Variants in NANOG observed in about 807,000 individuals in gnomAD.
NANOG encodes homeobox protein NANOG.
Under a neutral mutation model 17.7 loss-of-function variants are expected in NANOG, and 2 were observed. That is an observed-to-expected ratio of 0.11 (90% CI 0.05 to 0.36). NANOG has a LOEUF of 0.36. NANOG is among the 10% of genes least tolerant of loss of function. NANOG has a pLI of 1.00. For missense variants in NANOG, 174 were observed against 362.1 expected, an observed-to-expected ratio of 0.48 and a Z score of 4.22; for synonymous variants, 81 against 124.7, an observed-to-expected ratio of 0.65 and a Z score of 2.33.
Position 7,794,438 on chromosome 12 carries a change from C to G in NANOG, c.415-19C>G, listed in dbSNP as rs751044531. The G allele has an allele frequency of 1.9e-6, 3 of 1,601,904 alleles. No homozygotes were observed. In the African/African-American group the frequency reaches 4.0e-5, roughly 21 times the overall value. On this transcript the variant is annotated intron_variant, in intron 2 of 3. Transcript: ENST00000229307. ...CTGTATTATGAATATTTTACAATTT[C>G]TATCATTTTTTCCTGCAGGTGAAGA...
rs970309173 is a variant in NANOG, at chr12:7,798,213, C to T, written c.*3118C>T. 2 of 152,116 alleles carry T rather than the reference C, an allele frequency of 1.3e-5. No homozygotes were observed. Among genetic ancestry groups the T allele is most frequent in the Non-Finnish European group, 2.9e-5 (2 of 68,040 alleles). The allele number at this position is 152,116 out of a possible 1,614,324, so 9.4% of individuals were successfully genotyped here. On this transcript the variant is annotated 3_prime_UTR_variant, in exon 4 of 4. Transcript: ENST00000229307. ...CCAATATGGCGAAACCCTGTCTCTA[C>T]TAAAAATACAGAAATTTGCCAGAGG...
In NANOG at chr12:7,791,455, T is replaced by C. The variant is rs187984001; in HGVS notation, c.152-1495T>C. Among the ~76,000 whole-genome samples, 221 of 152,254 alleles carry C rather than the reference T, an allele frequency of 1.5e-3. 1 individual carries two copies. The South Asian group carries it at 0.015, about 10-fold the overall frequency. Reference sequence around the variant, plus strand: ...TGAGCAAGTGGGGATGTGTTTTCTTTAGCACACATCAAGTGACAGTTTATA... The same window carrying C: ...TGAGCAAGTGGGGATGTGTTTTCTTCAGCACACATCAAGTGACAGTTTATA... On this transcript the variant is annotated intron_variant, in intron 1 of 3. Coordinates refer to ENST00000229307, the MANE Select transcript of NANOG (RefSeq NM_024865.4).
In NANOG at chr12:7,798,901, G is replaced by A. The variant is rs1466711873; in HGVS notation, c.*3806G>A. ...GGCCCCCATGGGCTTTGACTCAAGG[G>A]GGAGATGAAGGGAATTTGTTAAAGA... On this transcript the variant is annotated 3_prime_UTR_variant, in exon 4 of 4. Coordinates refer to ENST00000229307, the MANE Select transcript of NANOG (RefSeq NM_024865.4). 6.8e-6 allele frequency: 1 copy of A among 147,610 alleles called. No homozygotes were observed. The highest frequency in any genetic ancestry group is 2.5e-5 in the African/African-American group (1 of 39,674). The allele number at this position is 147,610 out of a possible 1,614,324, so 9.1% of individuals were successfully genotyped here. A position where few individuals can be genotyped will look rare whatever the true frequency, so the allele number is the denominator to read the frequency against.
In NANOG at chr12:7,792,976, C is replaced by T; in HGVS notation, c.178C>T (p.Leu60=). ...CTCTCCTCTTCCTTCCTCCATGGAT[C>T]TGCTTATTCAGGACAGCCCTGATTC... ...TVSPLPSSMD[L]LIQDSPDSST... Residue 60 remains leucine (L), a synonymous_variant, in exon 2 of 4, where the codon CTG becomes TTG. Coordinates refer to ENST00000229307, the MANE Select transcript of NANOG (RefSeq NM_024865.4). The T allele has an allele frequency of 6.2e-7, 1 of 1,607,936 alleles. No homozygotes were observed. The highest frequency in any genetic ancestry group is 8.5e-7 in the Non-Finnish European group (1 of 1,177,120).
intron 1 of NANOG, among the ~76,000 whole-genome samples, chr12:7,791,782 A>G (rs1315705744): frequency 6.6e-6 from 1 of 152,218 alleles, no homozygotes; most frequent in African/African-American, 2.4e-5. Context: ...ATAAAAAAAT[A>G]ATTTTAGAGA....
At chr12:7,794,317 C>A in intron 2 of NANOG, 140 bp from the exon 3 acceptor site, 1 of 733,604 alleles carries the variant, frequency 1.4e-6, no homozygotes, top group Non-Finnish European at 2.3e-6. Flanking sequence ...AAGCAATCTG[C>A]CCGCCTTGGC....
In NANOG at chr12:7,796,831, C is replaced by T. The variant is rs11055813; in HGVS notation, c.*1736C>T. 0.67 allele frequency: 100,701 copies of T among 151,398 alleles called. 35,796 individuals carry two copies. The highest frequency in any genetic ancestry group is 0.8 in the Non-Finnish European group (54,076 of 67,938). The allele number at this position is 151,398 out of a possible 1,614,324, so 9.4% of individuals were successfully genotyped here. A position where few individuals can be genotyped will look rare whatever the true frequency, so the allele number is the denominator to read the frequency against. ...CCAGGCTGGAGTGTAGTGGAGCGAT[C>T]TCGGCTCACCGCAACCTCCGCCTCC... On this transcript the variant is annotated 3_prime_UTR_variant, in exon 4 of 4. Transcript: ENST00000229307.
In NANOG at chr12:7,793,258, A is replaced by G. The variant is rs746175357; in HGVS notation, c.414+46A>G. On this transcript the variant is annotated intron_variant, in intron 2 of 3. Transcript: ENST00000229307. ...GAATAAGGTGAACAAAAATTGGACTAATTTGCATGGCTAAGACCTCTGTGG... is the reference window on the plus strand; with the variant it reads ...GAATAAGGTGAACAAAAATTGGACTGATTTGCATGGCTAAGACCTCTGTGG... 1.9e-6 allele frequency: 3 copies of G among 1,595,526 alleles called. No individual in the cohort carries two copies. In the African/African-American group the frequency reaches 4.0e-5, roughly 21 times the overall value.
Position 7,795,395 on chromosome 12 carries a change from C to T in NANOG, c.*300C>T, listed in dbSNP as rs1862913344. On this transcript the variant is annotated 3_prime_UTR_variant, in exon 4 of 4. Transcript: ENST00000229307. ...GGAGTGCAGTGGCGCGGTCTTGGCT[C>T]ACTGCAAGCTCCGTCTCCCGGGTTC... 2 of 338,524 alleles carry T rather than the reference C, an allele frequency of 5.9e-6. No individual in the cohort carries two copies. Among genetic ancestry groups the T allele is most frequent in the African/African-American group, 4.4e-5 (2 of 45,934 alleles). 21.0% of individuals were successfully genotyped at this position (338,524 alleles called of 1,614,324 possible).
At position 7,789,594 on chromosome 12, in the gene NANOG, C is replaced by T. The variant is rs369467702; in HGVS notation, c.-21C>T. On this transcript the variant is annotated 5_prime_UTR_variant, in exon 1 of 4. Transcript: ENST00000229307. Reference sequence around the variant, plus strand: ...TCCAGTCCACCTCTTAAATTTTTTCCTCCTCTTCCTCTATACTAACATGAG... The same window carrying T: ...TCCAGTCCACCTCTTAAATTTTTTCTTCCTCTTCCTCTATACTAACATGAG... 5.4e-4 allele frequency: 868 copies of T among 1,607,636 alleles called. No individual in the cohort carries two copies. The highest frequency in any genetic ancestry group is 7.1e-4 in the Non-Finnish European group (836 of 1,178,054).
chr12:7,799,084 C>T lies in NANOG; in HGVS notation c.*3989C>T, dbSNP rs995918556. On this transcript the variant is annotated 3_prime_UTR_variant, in exon 4 of 4. Coordinates refer to ENST00000229307, the MANE Select transcript of NANOG (RefSeq NM_024865.4). ...TGGTGAGTCTCTCCTTAAGCTATTC[C>T]TGGCTTCTGGGTAGTTGGTGTAAAC... 6 of 152,122 alleles carry T rather than the reference C, an allele frequency of 3.9e-5. No homozygotes were observed. Among genetic ancestry groups the T allele is most frequent in the African/African-American group, 1.2e-4 (5 of 41,518 alleles). 9.4% of individuals were successfully genotyped at this position (152,122 alleles called of 1,614,324 possible). A position where few individuals can be genotyped will look rare whatever the true frequency, so the allele number is the denominator to read the frequency against.
chr12:7,796,286 C>CA lies in NANOG; in HGVS notation c.*1196dup, dbSNP rs1455569088. 2.0e-5 allele frequency: 3 copies of CA among 150,948 alleles called. No homozygotes were observed. Among genetic ancestry groups the CA allele is most frequent in the African/African-American group, 7.3e-5 (3 of 41,138 alleles). 9.4% of individuals were successfully genotyped at this position (150,948 alleles called of 1,614,324 possible). On this transcript the variant is annotated 3_prime_UTR_variant, in exon 4 of 4. Coordinates refer to ENST00000229307, the MANE Select transcript of NANOG (RefSeq NM_024865.4). ...GGCGACAAGAGCAAAACTCCCATCT[C>CA]AAAAATAAATAAATAAATAAGTAAA...
At chr12:7,790,545 T>A (rs1020453220) in intron 1 of NANOG, among the ~76,000 whole-genome samples, 1 of 152,210 alleles carries the variant, frequency 6.6e-6, no homozygotes. Flanking sequence ...GCTACCACTT[T>A]TTTGAAAATC....
chr12:7,793,736 C>CT (rs1301506504), intron 2 of NANOG, among the ~76,000 whole-genome samples: 2 of 152,132 alleles, frequency 1.3e-5, no homozygotes, highest in African/African-American at 4.8e-5. Flanking sequence ...GAGTCTCACT[C>CT]TGTCTCCCAG....
rs142963939 is a variant in NANOG, at chr12:7,794,519, G to A, written c.477G>A (p.Pro159=). 7 of 1,613,408 alleles carry A rather than the reference G, an allele frequency of 4.3e-6. No individual in the cohort carries two copies. Among genetic ancestry groups the A allele is most frequent in the Middle Eastern group, 1.6e-4 (1 of 6,078 alleles). The change falls in exon 3 of 4, where the codon CCG becomes CCA. Residue 159 remains proline (P), a synonymous_variant. Coordinates refer to ENST00000229307, the MANE Select transcript of NANOG (RefSeq NM_024865.4). ...AGAGGTGGCAGAAAAACAACTGGCC[G>A]AAGAATAGCAATGGTGTGACGCAGG... ...KSKRWQKNNW[P]KNSNGVTQKA... is the part of the protein sequence containing the mutation.
At position 7,795,192 on chromosome 12, in the gene NANOG, G is replaced by C; in HGVS notation, c.*97G>C. 1.4e-6 allele frequency: 2 copies of C among 1,417,330 alleles called. No individual in the cohort carries two copies. Among genetic ancestry groups the C allele is most frequent in the Non-Finnish European group, 2.0e-6 (2 of 1,018,642 alleles). 87.8% of individuals were successfully genotyped at this position (1,417,330 alleles called of 1,614,324 possible). A position where few individuals can be genotyped will look rare whatever the true frequency, so the allele number is the denominator to read the frequency against. On this transcript the variant is annotated 3_prime_UTR_variant, in exon 4 of 4. Transcript: ENST00000229307. The stretch of plus-strand genomic sequence containing the variant: ...TCCCTCATAGGATTTTTCTTGTTTG[G>C]AAACCACGTGTTCTGGTTTCCATGA...
chr12:7,789,858 G>A (rs1862812931), intron 1 of NANOG, 93 bp downstream of exon 1: 2 of 1,294,076 alleles, frequency 1.5e-6, no homozygotes, highest in African/African-American at 2.9e-5. Context: ...CTTGAGCAAT[G>A]ATGGACCATT....
In NANOG at chr12:7,796,748, A is replaced by G. The variant is rs1251435087; in HGVS notation, c.*1653A>G. 1 of 83,454 alleles carries G rather than the reference A, an allele frequency of 1.2e-5. No individual in the cohort carries two copies. The highest frequency in any genetic ancestry group is 3.1e-5 in the Non-Finnish European group (1 of 32,416). 5.2% of individuals were successfully genotyped at this position (83,454 alleles called of 1,614,324 possible). A position where few individuals can be genotyped will look rare whatever the true frequency, so the allele number is the denominator to read the frequency against. ...ACTAAGACTATCCAGTCTAATTCCA[A>G]GTGTTTTTTTTTTGTTTTATTTTGT... On this transcript the variant is annotated 3_prime_UTR_variant, in exon 4 of 4. Transcript: ENST00000229307.
rs948358620 is a variant in NANOG, at chr12:7,797,760, C to T, written c.*2665C>T. The T allele has an allele frequency of 5.7e-5, 1 of 17,556 alleles. No homozygotes were observed. 1.1% of individuals were successfully genotyped at this position (17,556 alleles called of 1,614,324 possible). On this transcript the variant is annotated 3_prime_UTR_variant, in exon 4 of 4. Transcript: ENST00000229307. The stretch of plus-strand genomic sequence containing the variant: ...CCTCGACTTCCCGGATTCAAGCAAT[C>T]CTCCTGCCTGAGTCTCTCAAATAGC...
Sources: gnomAD v4.1 joint callset for allele counts (sites outside exome capture counted in the v4.1 genomes callset) on GRCh38, gnomAD v4.1.1 for gene constraint, MANE v1.5 for transcripts, NCBI Gene and HGNC (gene_info 2026-07-23, HGNC 2026-07-21) for gene names.